PDLIM2: variants seen among roughly 807,000 people sequenced by gnomAD.
PDLIM2 encodes the protein PDZ and LIM domain protein 2.
A neutral mutation model predicts 54.1 loss-of-function variants in PDLIM2; 51 were observed. The ratio of observed to expected loss-of-function variants is 0.94; its 90% CI spans 0.75 to 1.19. The LOEUF (loss-of-function observed/expected upper bound fraction) is 1.19. Among genes scored for constraint, PDLIM2 ranks in the 50% most tolerant of loss-of-function variants. PDLIM2 has a pLI of 0.00. For synonymous variants in PDLIM2, 398 were observed against 385.6 expected, an observed-to-expected ratio of 1.03 and a Z score of -0.38; for missense variants, 912 against 874.0, an observed-to-expected ratio of 1.04 and a Z score of -0.55.
chr8:22,594,181 C>A, exon 10 of PDLIM2: 1 of 1,408,782 alleles, frequency 7.1e-7, no homozygotes, highest in Non-Finnish European at 9.2e-7. Context: ...GTGCGAGGGT[C>A]TAAGTAGGGT....
At chr8:22,591,573 C>T in exon 9 of PDLIM2, 1 of 1,613,688 alleles carries the variant, frequency 6.2e-7, no homozygotes, top group Non-Finnish European at 8.5e-7. Context: ...CCTTCTTGCC[C>T]AGCTCACTGA....
chr8:22,594,159 A>G (rs1276429840), exon 10 of PDLIM2: 33 of 1,416,404 alleles, frequency 2.3e-5, no homozygotes, highest in Admixed American at 3.0e-5. Flanking sequence ...ACTGCCTTTG[A>G]TCAACCTTTG....
At chr8:22,588,473 T>C (rs1340092489) in intron 6 of PDLIM2, 2 of 152,406 alleles carry the variant, frequency 1.3e-5, no homozygotes, top group East Asian at 1.9e-4. Flanking sequence ...TCCCAGTGGC[T>C]GGTGCGGGCT....
At chr8:22,596,563 A>T (rs548705295), downstream of PDLIM2, 1 of 152,200 alleles carries the variant, frequency 6.6e-6, no homozygotes. Flanking sequence ...CCTCTGCCGC[A>T]CGCCGCCCGT....
intron 3 of PDLIM2, 31 bp from the exon 3 acceptor site, chr8:22,584,790 G>C: frequency 1.2e-6 from 2 of 1,610,218 alleles, no homozygotes; most frequent in Non-Finnish European, 8.5e-7. Flanking sequence ...CAGGGCCCCT[G>C]TGACATTCCC....
chr8:22,594,204 T>C (rs1800633865), exon 10 of PDLIM2: 1 of 1,400,750 alleles, frequency 7.1e-7, no homozygotes, highest in East Asian at 2.7e-5. Flanking sequence ...AACACAGAAG[T>C]GGGAAGGAGA....
exon 10 of PDLIM2, chr8:22,594,215 G>T (rs1800634327): frequency 2.9e-6 from 4 of 1,398,050 alleles, no homozygotes; most frequent in Non-Finnish European, 3.7e-6. Flanking sequence ...GGGAAGGAGA[G>T]GGGTGGGCCA....
In PDLIM2 at chr8:22,581,087, T is replaced by C. The variant is rs1016107005; in HGVS notation, c.844-292T>C. On this transcript the variant is annotated intron_variant, in intron 2 of 9. Transcript: ENST00000308354. The stretch of plus-strand genomic sequence containing the variant: ...AGGCAGCCACCTGCAAGGTGCGATT[T>C]GCACGGGCAAGGCTCTCTATCCAAA... 6.3e-5 allele frequency: 43 copies of C among 679,406 alleles called. 1 individual carries two copies. The highest frequency in any genetic ancestry group is 4.9e-4 in the Admixed American group (24 of 48,548). 42.1% of individuals were successfully genotyped at this position (679,406 alleles called of 1,614,324 possible).
At chr8:22,589,705 C>G in exon 8 of PDLIM2, 1 of 1,571,762 alleles carries the variant, frequency 6.4e-7, no homozygotes, top group Non-Finnish European at 8.6e-7. Flanking sequence ...CAGCTCCTTT[C>G]GGCTCTTGCA....
downstream of PDLIM2, chr8:22,594,654 A>G (rs879470831): frequency 6.2e-7 from 1 of 1,609,754 alleles, no homozygotes; most frequent in Non-Finnish European, 8.5e-7. Context: ...TGGTGAGACA[A>G]CCTCTGATCC....
chr8:22,591,572 C>T (rs769062757), exon 9 of PDLIM2: 11 of 1,613,702 alleles, frequency 6.8e-6, no homozygotes, highest in Non-Finnish European at 9.3e-6. Context: ...GCCTTCTTGC[C>T]CAGCTCACTG....
intron 8 of PDLIM2, 176 bp from the exon 8 acceptor site, chr8:22,591,375 C>A: frequency 1.5e-6 from 1 of 650,618 alleles, no homozygotes; most frequent in Non-Finnish European, 2.7e-6. Context: ...ATGCCCTTGC[C>A]CAGCCTCAGC....
chr8:22,590,048 C>T (rs969268281), intron 8 of PDLIM2: 43 of 387,004 alleles, frequency 1.1e-4, no homozygotes, highest in Non-Finnish European at 1.9e-4. Context: ...GGGAGGGCTT[C>T]TTGGAGGAAG....
Position 22,589,291 on chromosome 8 carries a change from C to T in PDLIM2, c.1291-7C>T. On this transcript the variant is annotated splice_polypyrimidine_tract_variant and splice_region_variant and intron_variant, in intron 6 of 9. Coordinates refer to ENST00000308354, the Ensembl canonical transcript of PDLIM2. ...CTGACTCCTCCCCGGCTGCCTCCTC[C>T]CAACAGGCCGGCCTCGGCCGCGCTG... is the stretch of plus-strand genomic sequence containing the variant. 6.5e-7 allele frequency: 1 copy of T among 1,533,870 alleles called. No individual in the cohort carries two copies. The highest frequency in any genetic ancestry group is 8.7e-7 in the Non-Finnish European group (1 of 1,146,296).
chr8:22,588,874 T>C (rs1467971558), intron 6 of PDLIM2: 4 of 223,136 alleles, frequency 1.8e-5, no homozygotes, highest in Non-Finnish European at 3.5e-5. Context: ...TATGTTTCTA[T>C]CTCCTCAGTG....
chr8:22,585,229 T>C lies in PDLIM2; in HGVS notation c.1211+67T>C. The C allele has an allele frequency of 1.9e-6, 3 of 1,602,960 alleles. 1 individual carries two copies. The South Asian group carries it at 3.3e-5, about 18-fold the overall frequency. Reference sequence around the variant, plus strand: ...CCAGCTCCAGGCTGGCTCCTCTGAGTCTCAGGAGCTCTGCTTGGGAGCCCG... The same window carrying C: ...CCAGCTCCAGGCTGGCTCCTCTGAGCCTCAGGAGCTCTGCTTGGGAGCCCG... On this transcript the variant is annotated intron_variant, in intron 5 of 9. Coordinates refer to ENST00000308354, the Ensembl canonical transcript of PDLIM2.
intron 6 of PDLIM2, among the ~76,000 whole-genome samples, chr8:22,585,941 CTCTT>C (rs1321943604): frequency 2.0e-5 from 3 of 151,870 alleles, no homozygotes; most frequent in Admixed American, 6.6e-5. Context: ...CCCCTGGACT[CTCTT>C]TCAGCCAGGT....
In PDLIM2 at chr8:22,584,831, ACGTCTC is replaced by A. The variant is rs756991204; in HGVS notation, c.1008_1013del (p.Ser337_Pro338del). The A allele has an allele frequency of 9.9e-6, 16 of 1,614,102 alleles. No individual in the cohort carries two copies. The South Asian group carries it at 1.6e-4, about 17-fold the overall frequency. ...CTGTTGCCTTCTCAGGTCTCAGGCT[ACGTCTC>A]CAGGGCAGACCAATGGGGACAGCTC... On this transcript the variant is annotated inframe_deletion, in exon 4 of 10. Coordinates refer to ENST00000308354, the Ensembl canonical transcript of PDLIM2.
downstream of PDLIM2, chr8:22,595,115 G>C (rs1800657279): frequency 1.3e-5 from 2 of 155,826 alleles, no homozygotes; most frequent in Admixed American, 6.2e-5. Flanking sequence ...TCTCTTTTCA[G>C]AGAAGATCAA....
Sources: gnomAD v4.1 joint callset for allele counts (sites outside exome capture counted in the v4.1 genomes callset) on GRCh38, gnomAD v4.1.1 for gene constraint, MANE v1.5 for transcripts, NCBI Gene and HGNC (gene_info 2026-07-23, HGNC 2026-07-21) for gene names.